The following FAM171A1 variants were observed in gnomAD, a reference collection of about 807,000 sequenced individuals.
FAM171A1 encodes protein FAM171A1.
A neutral mutation model predicts 74.9 loss-of-function variants in FAM171A1; 23 were observed. That is an observed-to-expected ratio of 0.31 (90% CI 0.22 to 0.44). The LOEUF (loss-of-function observed/expected upper bound fraction) is 0.44. FAM171A1 is among the 20% of genes least tolerant of loss of function. FAM171A1 has a pLI of 1.00. For missense variants in FAM171A1, 1,162 were observed against 1,159.2 expected (o/e 1.00, Z -0.03); for synonymous variants, 527 against 505.7 (o/e 1.04, Z -0.57).
intron 5 of FAM171A1, among the ~76,000 whole-genome samples, chr10:15,232,703 C>G (rs977831162): frequency 6.6e-6 from 1 of 152,176 alleles, no homozygotes; most frequent in African/African-American, 2.4e-5. Context: ...CCAGATCAGC[C>G]CATCATTCTA....
intron 2 of FAM171A1, among the ~76,000 whole-genome samples, chr10:15,282,701 CTTTAT>C (rs907721969): frequency 2.0e-5 from 3 of 152,078 alleles, no homozygotes; most frequent in Non-Finnish European, 2.9e-5. Flanking sequence ...CAAATGCTTC[CTTTAT>C]TTTAATTTAT....
chr10:15,359,679 GC>G (rs1315961091), intron 1 of FAM171A1, among the ~76,000 whole-genome samples: 4 of 152,186 alleles, frequency 2.6e-5, no homozygotes, highest in African/African-American at 7.2e-5. Context: ...TCCTGAATGA[GC>G]CCCTAGAAGC....
chr10:15,260,390 T>G (rs577905793), intron 3 of FAM171A1, among the ~76,000 whole-genome samples: 1 of 152,326 alleles, frequency 6.6e-6, no homozygotes, highest in African/African-American at 2.4e-5. Context: ...GGTTTAAATC[T>G]TTCCTCTACC....
intron 5 of FAM171A1, among the ~76,000 whole-genome samples, chr10:15,244,485 C>T (rs890602669): frequency 6.6e-6 from 1 of 152,296 alleles, no homozygotes; most frequent in African/African-American, 2.4e-5. Flanking sequence ...CACCATTGCA[C>T]TCTAGCCTGG....
At chr10:15,278,452 T>A (rs569848017) in intron 2 of FAM171A1, among the ~76,000 whole-genome samples, 1 of 152,146 alleles carries the variant, frequency 6.6e-6, no homozygotes, top group Non-Finnish European at 1.5e-5. Context: ...CACACATCGA[T>A]GTTTGCAGCA....
At chr10:15,267,911 G>C (rs954693807) in intron 3 of FAM171A1, among the ~76,000 whole-genome samples, 1 of 152,058 alleles carries the variant, frequency 6.6e-6, no homozygotes, top group Non-Finnish European at 1.5e-5. Context: ...AAGAGTGAGG[G>C]ACAGTAAAAC....
intron 6 of FAM171A1, among the ~76,000 whole-genome samples, chr10:15,216,832 GAAA>G (rs5783433): frequency 1.0e-4 from 14 of 134,872 alleles, no homozygotes; most frequent in African/African-American, 3.8e-4. Context: ...ATATTGCAGT[GAAA>G]AAAAAAAAAA....
chr10:15,329,300 T>C (rs1835598227), intron 1 of FAM171A1, among the ~76,000 whole-genome samples: 1 of 152,186 alleles, frequency 6.6e-6, no homozygotes, highest in Non-Finnish European at 1.5e-5. Context: ...GTTGGCCTAG[T>C]CACCAATTTC....
At chr10:15,321,867 CTTTAG>C (rs1285340196) in intron 1 of FAM171A1, among the ~76,000 whole-genome samples, 1 of 152,188 alleles carries the variant, frequency 6.6e-6, no homozygotes, top group African/African-American at 2.4e-5. Context: ...GTTTCCAACT[CTTTAG>C]TTAAGCAAGG....
chr10:15,339,336 T>C (rs1318662423), intron 1 of FAM171A1, among the ~76,000 whole-genome samples: 3 of 152,216 alleles, frequency 2.0e-5, no homozygotes, highest in African/African-American at 7.2e-5. Context: ...AATTTTCATT[T>C]TCTGTTCCAG....
intron 1 of FAM171A1, among the ~76,000 whole-genome samples, chr10:15,365,622 T>C (rs1311108973): frequency 6.6e-6 from 1 of 151,832 alleles, no homozygotes; most frequent in Non-Finnish European, 1.5e-5. Flanking sequence ...ACACAAAAAT[T>C]AGCCAGGTGT....
intron 1 of FAM171A1, among the ~76,000 whole-genome samples, chr10:15,348,844 G>A (rs1835846700): frequency 6.6e-6 from 1 of 152,220 alleles, no homozygotes; most frequent in Non-Finnish European, 1.5e-5. Flanking sequence ...GGCAGCAGCT[G>A]CAGGAAGTGA....
At chr10:15,370,714 G>T (rs1457613279) in intron 1 of FAM171A1, among the ~76,000 whole-genome samples, 1 of 64,254 alleles carries the variant, frequency 1.6e-5, no homozygotes, top group African/African-American at 5.7e-5. Flanking sequence ...CCGCGCCCCC[G>T]CCCGACCCAG....
chr10:15,312,633 G>A (rs1208471998), intron 1 of FAM171A1, among the ~76,000 whole-genome samples: 2 of 131,082 alleles, frequency 1.5e-5, no homozygotes, highest in East Asian at 2.4e-4. Context: ...ATCTGTCACC[G>A]GAATGTAAAT....
At chr10:15,349,811 T>C (rs1278931728) in intron 1 of FAM171A1, among the ~76,000 whole-genome samples, 1 of 152,108 alleles carries the variant, frequency 6.6e-6, no homozygotes, top group Non-Finnish European at 1.5e-5. Flanking sequence ...CACTCTTTAG[T>C]TAACTGAAAA....
intron 1 of FAM171A1, among the ~76,000 whole-genome samples, chr10:15,290,086 G>C (rs1305081831): frequency 6.6e-6 from 1 of 152,094 alleles, no homozygotes; most frequent in Admixed American, 6.5e-5. Flanking sequence ...AAATTAGCTG[G>C]GTGTGGTAGT....
At chr10:15,323,546 T>C (rs1156748769) in intron 1 of FAM171A1, among the ~76,000 whole-genome samples, 1 of 152,270 alleles carries the variant, frequency 6.6e-6, no homozygotes, top group East Asian at 1.9e-4. Flanking sequence ...ATCAGTACGT[T>C]CTCTCCCCTG....
chr10:15,285,357 T>A (rs1835023220), intron 1 of FAM171A1, among the ~76,000 whole-genome samples: 1 of 152,188 alleles, frequency 6.6e-6, no homozygotes, highest in Admixed American at 6.5e-5. Flanking sequence ...TTCTTTATTC[T>A]AAAGGCAATG....
At chr10:15,262,244 T>C (rs1222622218) in intron 3 of FAM171A1, among the ~76,000 whole-genome samples, 1 of 152,258 alleles carries the variant, frequency 6.6e-6, no homozygotes, top group East Asian at 1.9e-4. Context: ...AGTATGGCCA[T>C]GGGTGCAGAG....
Sources: gnomAD v4.1 joint callset for allele counts (sites outside exome capture counted in the v4.1 genomes callset) on GRCh38, gnomAD v4.1.1 for gene constraint, MANE v1.5 for transcripts, NCBI Gene and HGNC (gene_info 2026-07-23, HGNC 2026-07-21) for gene names.